Variants in MALT1 observed in about 807,000 individuals in gnomAD.
MALT1 encodes mucosa-associated lymphoid tissue lymphoma translocation protein 1.
Under a neutral mutation model 85.5 loss-of-function variants are expected in MALT1, and 36 were observed. The observed-to-expected ratio is 0.42, with a 90% CI of 0.32 to 0.56. The LOEUF is 0.56. Among genes scored for constraint, MALT1 ranks in the 20% least tolerant of loss-of-function variants. The pLI, the probability that MALT1 is intolerant of heterozygous loss-of-function variation, is 0.10. For missense variants in MALT1, 716 were observed against 981.6 expected, an observed-to-expected ratio of 0.73 and a Z score of 3.62; for synonymous variants, 359 against 361.3, an observed-to-expected ratio of 0.99 and a Z score of 0.07.
chr18:58,698,127 C>T (rs1380785641), intron 3 of MALT1, among the ~76,000 whole-genome samples: 1 of 142,288 alleles, frequency 7.0e-6, no homozygotes, highest in Non-Finnish European at 1.5e-5. Flanking sequence ...AGTGCAGTGG[C>T]GCGATCTTGG....
intron 10 of MALT1, among the ~76,000 whole-genome samples, chr18:58,727,962 C>G (rs949515206): frequency 6.6e-6 from 1 of 152,064 alleles, no homozygotes; most frequent in Non-Finnish European, 1.5e-5. Flanking sequence ...TTCTTGGAAC[C>G]GTGCCTGGCA....
chr18:58,717,253 C>T (rs945185562), intron 9 of MALT1, among the ~76,000 whole-genome samples: 2 of 151,644 alleles, frequency 1.3e-5, no homozygotes, highest in East Asian at 1.9e-4. Flanking sequence ...ATCCCAGCTA[C>T]GTAGGAGGCT....
At position 58,748,160 on chromosome 18, in the gene MALT1, T is replaced by C. The variant is rs1046049585; in HGVS notation, c.*318T>C. ...AAGAGCAATGGGAATGGCATTATTG[T>C]AGAATAAGTCATTGTATTTTTAACA... On this transcript the variant is annotated 3_prime_UTR_variant, in exon 17 of 17. Transcript: ENST00000649217. The C allele has an allele frequency of 3.2e-6, 1 of 310,218 alleles. No homozygotes were observed. Among genetic ancestry groups the C allele is most frequent in the Non-Finnish European group, 6.0e-6 (1 of 165,548 alleles). The allele number at this position is 310,218 out of a possible 1,614,324, so 19.2% of individuals were successfully genotyped here.
intron 10 of MALT1, among the ~76,000 whole-genome samples, chr18:58,731,236 A>C (rs1179590011): frequency 1.3e-5 from 2 of 152,186 alleles, no homozygotes; most frequent in African/African-American, 4.8e-5. Flanking sequence ...TACAGGCTTG[A>C]GCCTCCGCGC....
chr18:58,710,137 T>G, intron 6 of MALT1, 65 bp downstream of exon 6: 1 of 922,172 alleles, frequency 1.1e-6, no homozygotes. Context: ...AACTGCAACG[T>G]TTAATTAAGC....
intron 10 of MALT1, among the ~76,000 whole-genome samples, chr18:58,731,801 T>TCATAA (rs2144454364): frequency 6.6e-6 from 1 of 151,806 alleles, no homozygotes; most frequent in African/African-American, 2.4e-5. Flanking sequence ...TGTATGGAGA[T>TCATAA]ACATGAATCT....
At chr18:58,688,351 C>T (rs1468183055) in intron 2 of MALT1, among the ~76,000 whole-genome samples, 1 of 150,478 alleles carries the variant, frequency 6.6e-6, no homozygotes, top group African/African-American at 2.5e-5. Context: ...GTTGTTGGTG[C>T]AGGACAGGCT....
intron 2 of MALT1, among the ~76,000 whole-genome samples, chr18:58,683,162 T>C (rs1208821795): frequency 1.3e-5 from 2 of 152,210 alleles, no homozygotes; most frequent in Non-Finnish European, 2.9e-5. Context: ...GGTTTCATAC[T>C]GTTAAAGTCC....
Position 58,722,307 on chromosome 18 carries a change from G to C in MALT1, c.1019-741G>C, listed in dbSNP as rs2054995914. ...TGCTACTTTTTAAGGCATAGATACA[G>C]ATCTTTTTTTCTCTTATGAACAAAA... On this transcript the variant is annotated intron_variant, in intron 9 of 16. Transcript: ENST00000649217. Among the ~76,000 whole-genome samples the C allele has an allele frequency of 2.6e-5, 4 of 152,066 alleles. No individual in the cohort carries two copies. The South Asian group carries it at 8.3e-4, about 32-fold the overall frequency.
At position 58,747,690 on chromosome 18, in the gene MALT1, G is replaced by C; in HGVS notation, c.2323G>C (p.Asp775His). 6.2e-7 allele frequency: 1 copy of C among 1,614,186 alleles called. No individual in the cohort carries two copies. The highest frequency in any genetic ancestry group is 8.5e-7 in the Non-Finnish European group (1 of 1,180,034). ...PGNPSNVTPADSCHCSRTPDA... is the reference protein window; with the variant it reads ...PGNPSNVTPAHSCHCSRTPDA... ...TAATCCAAGTAATGTTACACCAGCA[G>C]ATAGCTGTCATTGCAGCCGGACTCC... is the stretch of plus-strand genomic sequence containing the variant. The change falls in exon 17 of 17, where the codon GAT (aspartate) becomes CAT (histidine). Residue 775 changes from aspartate to histidine, a missense_variant. By Grantham distance (81) the Asp-to-His change is moderately conservative. Coordinates refer to ENST00000649217, the MANE Select transcript of MALT1 (RefSeq NM_006785.4).
At chr18:58,697,359 C>T (rs1418361196) in intron 3 of MALT1, 4 of 152,054 alleles carry the variant, frequency 2.6e-5, no homozygotes, top group Admixed American at 2.0e-4. Context: ...ATTTTGTTTC[C>T]GTCTGTTACA....
In MALT1 at chr18:58,750,114, A is replaced by G. The variant is rs2055427134; in HGVS notation, c.*2272A>G. On this transcript the variant is annotated 3_prime_UTR_variant, in exon 17 of 17. Coordinates refer to ENST00000649217, the MANE Select transcript of MALT1 (RefSeq NM_006785.4). Reference sequence around the variant, plus strand: ...ATAGAAAATGCTAAAGAATCCATAAAAAGTAATAAATGAGTTCAACAGGTT... The same window carrying G: ...ATAGAAAATGCTAAAGAATCCATAAGAAGTAATAAATGAGTTCAACAGGTT... The G allele has an allele frequency of 5.4e-6, 1 of 184,580 alleles. No individual in the cohort carries two copies. Among genetic ancestry groups the G allele is most frequent in the African/African-American group, 2.3e-5 (1 of 42,636 alleles). 11.4% of individuals were successfully genotyped at this position (184,580 alleles called of 1,614,324 possible).
chr18:58,680,967 G>A (rs2054313890), intron 1 of MALT1, among the ~76,000 whole-genome samples: 1 of 150,118 alleles, frequency 6.7e-6, no homozygotes, highest in Non-Finnish European at 1.5e-5. Flanking sequence ...AATCATGGGA[G>A]CTGAGTGGGA....
chr18:58,687,550 C>G (rs2144326525), intron 2 of MALT1, among the ~76,000 whole-genome samples: 1 of 152,312 alleles, frequency 6.6e-6, no homozygotes, highest in Middle Eastern at 3.4e-3. Flanking sequence ...GGGTACTCTT[C>G]TGTGATAGCA....
At position 58,753,798 on chromosome 18, in the gene MALT1, C is replaced by T. The variant is rs1234226877; in HGVS notation, c.*5956C>T. 2 of 117,764 alleles carry T rather than the reference C, an allele frequency of 1.7e-5. No homozygotes were observed. The highest frequency in any genetic ancestry group is 2.2e-4 in the East Asian group (1 of 4,478). The allele number at this position is 117,764 out of a possible 1,614,324, so 7.3% of individuals were successfully genotyped here. ...CTCAGCTTCAATACATTTAAGAACA[C>T]ATTTTTAACTTTTCGTAAGGAGTCT... On this transcript the variant is annotated 3_prime_UTR_variant, in exon 17 of 17. Coordinates refer to ENST00000649217, the MANE Select transcript of MALT1 (RefSeq NM_006785.4).
chr18:58,719,880 G>A (rs2054960071), intron 9 of MALT1, among the ~76,000 whole-genome samples: 1 of 151,910 alleles, frequency 6.6e-6, no homozygotes, highest in African/African-American at 2.4e-5. Flanking sequence ...TTTAATACAT[G>A]TGATTTTTAA....
intron 2 of MALT1, among the ~76,000 whole-genome samples, chr18:58,688,299 T>TACACACACACACACACACACACACAC: frequency 7.2e-6 from 1 of 139,562 alleles, no homozygotes; most frequent in Non-Finnish European, 1.6e-5. Context: ...ATATATATGT[T>TACACACACACACACACACACACACAC]ACACACACAC....
At position 58,688,898 on chromosome 18, in the gene MALT1, C is replaced by G. The variant is rs558465024; in HGVS notation, c.377-7468C>G. Reference sequence around the variant, plus strand: ...GGTCATGGTGGCTCACTCCTATAATCCCAGTGCTTTGGGAAGCTGAGGTGA... The same window carrying G: ...GGTCATGGTGGCTCACTCCTATAATGCCAGTGCTTTGGGAAGCTGAGGTGA... On this transcript the variant is annotated intron_variant, in intron 2 of 16. Coordinates refer to ENST00000649217, the MANE Select transcript of MALT1 (RefSeq NM_006785.4). Among the ~76,000 whole-genome samples, 8 of 152,224 alleles carry G rather than the reference C, an allele frequency of 5.3e-5. No homozygotes were observed. In the South Asian group the frequency reaches 1.7e-3, roughly 32 times the overall value.
intron 2 of MALT1, among the ~76,000 whole-genome samples, chr18:58,685,638 C>T (rs900246469): frequency 9.9e-5 from 15 of 152,196 alleles, no homozygotes; most frequent in African/African-American, 3.4e-4. Context: ...TGTGAAGGAG[C>T]CTCAGAGGAT....
Sources: allele counts gnomAD v4.1 joint callset (sites outside exome capture counted in the v4.1 genomes callset), GRCh38; gene constraint gnomAD v4.1.1; transcripts MANE v1.5; gene names NCBI Gene and HGNC (gene_info 2026-07-23, HGNC 2026-07-21).